Variants in ADGRL3 observed in about 807,000 individuals in gnomAD.
ADGRL3 encodes the protein adhesion G protein-coupled receptor L3.
Under a neutral mutation model 153.5 loss-of-function variants are expected in ADGRL3, and 62 were observed. The observed-to-expected ratio is 0.40, with a 90% CI of 0.33 to 0.50. The LOEUF (loss-of-function observed/expected upper bound fraction) is 0.50, where lower values mean the gene tolerates loss of function less well. ADGRL3 is among the 20% of genes least tolerant of loss of function. The probability of loss-of-function intolerance (pLI) is 0.47; values close to 1 mark genes in which losing one functional copy is unlikely to be tolerated. For missense variants in ADGRL3, 1,641 were observed against 1,859.4 expected (o/e 0.88, Z 2.16); for synonymous variants, 710 against 672.5 (o/e 1.06, Z -0.86).
At chr4:61,560,395 G>A (rs1030890976) in intron 4 of ADGRL3, among the ~76,000 whole-genome samples, 2 of 152,042 alleles carry the variant, frequency 1.3e-5, no homozygotes, top group Non-Finnish European at 2.9e-5. Flanking sequence ...TTGTAAAAAA[G>A]AATGGTAATC....
intron 1 of ADGRL3, among the ~76,000 whole-genome samples, chr4:61,353,421 T>A (rs1342990593): frequency 6.6e-6 from 1 of 152,082 alleles, no homozygotes; most frequent in Admixed American, 6.6e-5. Context: ...ATGGAATACA[T>A]GTTTTAAAAG....
At chr4:61,682,735 A>T (rs1296872757) in intron 6 of ADGRL3, among the ~76,000 whole-genome samples, 1 of 151,824 alleles carries the variant, frequency 6.6e-6, no homozygotes, top group Non-Finnish European at 1.5e-5. Flanking sequence ...TCTAGTCATA[A>T]ACTCCCTCCT....
At chr4:61,776,342 G>C (rs1244412085) in intron 8 of ADGRL3, among the ~76,000 whole-genome samples, 2 of 152,090 alleles carry the variant, frequency 1.3e-5, no homozygotes, top group Non-Finnish European at 1.5e-5. Flanking sequence ...AATGAAGTAG[G>C]GGTTTTGAGT....
chr4:61,247,792 A>G (rs1369433529), intron 1 of ADGRL3, among the ~76,000 whole-genome samples: 1 of 152,058 alleles, frequency 6.6e-6, no homozygotes, highest in African/African-American at 2.4e-5. Flanking sequence ...AATGATACTC[A>G]AAGGTATCAA....
intron 21 of ADGRL3, among the ~76,000 whole-genome samples, chr4:62,014,540 C>T (rs1405706340): frequency 1.3e-5 from 2 of 152,126 alleles, no homozygotes; most frequent in Admixed American, 6.6e-5. Flanking sequence ...TATATTCATG[C>T]AGTCACTTAC....
rs545961317 is a variant in ADGRL3, at chr4:61,670,449, T to C, written c.474-6377T>C. Among the ~76,000 whole-genome samples, 7 of 152,282 alleles carry C rather than the reference T, an allele frequency of 4.6e-5. No individual in the cohort carries two copies. The East Asian group carries it at 1.4e-3, about 29-fold the overall frequency. ...ATATGCTTCACACACAAGTATGTTA[T>C]AATCGAACATGAGATAGTGGGCTGC... On this transcript the variant is annotated intron_variant, in intron 5 of 26. Coordinates refer to ENST00000683033, the MANE Select transcript of ADGRL3 (RefSeq NM_001387552.1).
chr4:61,386,819 AATGT>A (rs1212147743), intron 2 of ADGRL3, among the ~76,000 whole-genome samples: 1 of 152,216 alleles, frequency 6.6e-6, no homozygotes, highest in Non-Finnish European at 1.5e-5. Flanking sequence ...ATTTGGACAA[AATGT>A]ATGTATTTCC....
At position 61,969,056 on chromosome 4, in the gene ADGRL3, T is replaced by C. The variant is rs929892070; in HGVS notation, c.2806-10507T>C. Among the ~76,000 whole-genome samples the C allele has an allele frequency of 2.6e-5, 4 of 152,110 alleles. No homozygotes were observed. In the South Asian group the frequency reaches 8.3e-4, roughly 31 times the overall value. The stretch of plus-strand genomic sequence containing the variant: ...TTGATATATTGTAGCACCATGATCA[T>C]TAATAAGACCTGACAAAATCAGCTC... On this transcript the variant is annotated intron_variant, in intron 17 of 26. Coordinates refer to ENST00000683033, the MANE Select transcript of ADGRL3 (RefSeq NM_001387552.1).
chr4:61,576,141 G>A (rs1483358410), intron 4 of ADGRL3, among the ~76,000 whole-genome samples: 3 of 151,744 alleles, frequency 2.0e-5, no homozygotes, highest in Non-Finnish European at 4.4e-5. Flanking sequence ...GAATATCATT[G>A]TTGTTGTTAC....
chr4:61,374,022 G>T (rs1406594187), intron 1 of ADGRL3, among the ~76,000 whole-genome samples: 2 of 152,094 alleles, frequency 1.3e-5, no homozygotes, highest in African/African-American at 2.4e-5. Context: ...CATCAAGGGG[G>T]TTAACTTTTG....
rs554084206 is a variant in ADGRL3 at position 61,686,862 on chromosome 4, A to C, written c.583+9927A>C. ...CTACTCTTACCTCTATGAAATCAACATTTTTTGATTCCACATATGAATGAG... is the reference window on the plus strand; with the variant it reads ...CTACTCTTACCTCTATGAAATCAACCTTTTTTGATTCCACATATGAATGAG... On this transcript the variant is annotated intron_variant, in intron 6 of 26. Transcript: ENST00000683033. 7.9e-5 allele frequency among the ~76,000 whole-genome samples: 12 copies of C among 152,012 alleles called. 1 individual carries two copies. The South Asian group carries it at 2.5e-3, about 32-fold the overall frequency.
At position 62,074,551 on chromosome 4, in the gene ADGRL3, T is replaced by C. The variant is rs1418970263; in HGVS notation, c.*3643T>C. 2.6e-5 allele frequency: 4 copies of C among 152,194 alleles called. No individual in the cohort carries two copies. Among genetic ancestry groups the C allele is most frequent in the Non-Finnish European group, 1.5e-5 (1 of 68,034 alleles). 9.4% of individuals were successfully genotyped at this position (152,194 alleles called of 1,614,324 possible). ...GTCCCTTCTTGTTTCCACTATATTA[T>C]AATTAAACACACTGAAGTTGAATAA... On this transcript the variant is annotated 3_prime_UTR_variant, in exon 27 of 27. Coordinates refer to ENST00000683033, the MANE Select transcript of ADGRL3 (RefSeq NM_001387552.1).
rs1025796348 is a variant in ADGRL3 at position 61,395,899 on chromosome 4, A to G, written c.-174+12710A>G. On this transcript the variant is annotated intron_variant, in intron 2 of 26. Coordinates refer to ENST00000683033, the MANE Select transcript of ADGRL3 (RefSeq NM_001387552.1). ...TGTTAATGTAGAAGGAGGAACGCACAGATTTGTTATCCCACCTGTTGAGAG... is the reference window on the plus strand; with the variant it reads ...TGTTAATGTAGAAGGAGGAACGCACGGATTTGTTATCCCACCTGTTGAGAG... Among the ~76,000 whole-genome samples, 6 of 151,960 alleles carry G rather than the reference A, an allele frequency of 3.9e-5. No homozygotes were observed. In the South Asian group the frequency reaches 1.0e-3, roughly 26 times the overall value.
At chr4:61,361,430 T>A (rs563956674) in intron 1 of ADGRL3, among the ~76,000 whole-genome samples, 1 of 152,282 alleles carries the variant, frequency 6.6e-6, no homozygotes, top group African/African-American at 2.4e-5. Flanking sequence ...ATAAATAACA[T>A]TATACTAGTC....
At chr4:61,694,741 G>A (rs115675999) in intron 6 of ADGRL3, among the ~76,000 whole-genome samples, 1 of 152,182 alleles carries the variant, frequency 6.6e-6, no homozygotes, top group Non-Finnish European at 1.5e-5. Flanking sequence ...TTTGTAGCAT[G>A]CAAGGCTGTT....
chr4:61,756,893 A>T (rs1035494692), intron 8 of ADGRL3, among the ~76,000 whole-genome samples: 2 of 151,946 alleles, frequency 1.3e-5, no homozygotes, highest in African/African-American at 2.4e-5. Flanking sequence ...GGTTTTTGTC[A>T]TTGGTTCTGT....
At chr4:61,719,623 GAC>G (rs2096198073) in intron 6 of ADGRL3, among the ~76,000 whole-genome samples, 1 of 105,206 alleles carries the variant, frequency 9.5e-6, no homozygotes, top group Non-Finnish European at 1.9e-5. Context: ...TTTTTTTTAA[GAC>G]AGAGTCTCAC....
intron 9 of ADGRL3, among the ~76,000 whole-genome samples, chr4:61,831,738 A>G (rs904244244): frequency 7.9e-5 from 12 of 152,138 alleles, no homozygotes; most frequent in African/African-American, 2.9e-4. Context: ...AAAATTTTTA[A>G]GGTTTAGTAG....
chr4:61,410,295 T>C (rs199930135), intron 2 of ADGRL3, among the ~76,000 whole-genome samples: 1 of 152,172 alleles, frequency 6.6e-6, no homozygotes, highest in Non-Finnish European at 1.5e-5. Flanking sequence ...TTCTTGTATA[T>C]TCTCAACGAT....
Sources: gnomAD v4.1 joint callset for allele counts (sites outside exome capture counted in the v4.1 genomes callset) on GRCh38, gnomAD v4.1.1 for gene constraint, MANE v1.5 for transcripts, NCBI Gene and HGNC (gene_info 2026-07-23, HGNC 2026-07-21) for gene names.